Variants in ITGAL observed in about 807,000 individuals in gnomAD.
ITGAL encodes integrin alpha-L.
A neutral mutation model predicts 138.4 loss-of-function variants in ITGAL; 68 were observed. The ratio of observed to expected loss-of-function variants is 0.49; its 90% CI spans 0.40 to 0.60. ITGAL has a LOEUF of 0.60. Ranked by LOEUF, ITGAL falls within the 20% of genes least tolerant of loss-of-function variation. The pLI is 0.00. For missense variants in ITGAL, 1,256 were observed against 1,478.6 expected (o/e 0.85, Z 2.47); for synonymous variants, 561 against 584.3 (o/e 0.96, Z 0.57).
chr16:30,517,576 G>A, intron 26 of ITGAL, 73 bp from the exon 27 acceptor site: 7 of 1,299,212 alleles, frequency 5.4e-6, no homozygotes, highest in South Asian at 4.8e-5. Context: ...GGCCAGGGCA[G>A]GGGAAAGCTG....
intron 9 of ITGAL, among the ~76,000 whole-genome samples, chr16:30,485,193 C>T (rs529289109): frequency 8.3e-6 from 1 of 120,470 alleles, no homozygotes; most frequent in African/African-American, 3.1e-5. Flanking sequence ...CTCCCCCCTT[C>T]CTCTCCCCTC....
intron 17 of ITGAL, among the ~76,000 whole-genome samples, chr16:30,500,744 C>A (rs1221844117): frequency 2.6e-5 from 4 of 152,066 alleles, no homozygotes; most frequent in Non-Finnish European, 1.5e-5. Context: ...GTAGGCCAAG[C>A]GCGGTGGCTC....
chr16:30,506,917 T>C, intron 21 of ITGAL, 61 bp downstream of exon 21: 2 of 1,592,428 alleles, frequency 1.3e-6, no homozygotes, highest in Non-Finnish European at 1.7e-6. Flanking sequence ...CCCCCTTCTT[T>C]GAGCCCCAGG....
intron 4 of ITGAL, 99 bp from the exon 5 acceptor site, chr16:30,478,992 A>G (rs1432555343): frequency 2.3e-6 from 2 of 860,122 alleles, no homozygotes; most frequent in East Asian, 4.8e-5. Context: ...GAAGTGAGAA[A>G]GAGGACAAGG....
chr16:30,478,697 C>CAAAAAAAAAAAAAAA (rs59193580), intron 4 of ITGAL, among the ~76,000 whole-genome samples: 1 of 106,644 alleles, frequency 9.4e-6, no homozygotes, highest in Non-Finnish European at 1.8e-5. Flanking sequence ...GACTCCATCT[C>CAAAAAAAAAAAAAAA]AAAAAAAAAA....
At chr16:30,497,123 T>C (rs2050812320) in intron 15 of ITGAL, among the ~76,000 whole-genome samples, 1 of 151,950 alleles carries the variant, frequency 6.6e-6, no homozygotes, top group Non-Finnish European at 1.5e-5. Context: ...GGCGGGCGGA[T>C]CACGAGGTCA....
chr16:30,485,105 TCTTC>T, intron 9 of ITGAL, among the ~76,000 whole-genome samples: 1 of 151,920 alleles, frequency 6.6e-6, no homozygotes, highest in South Asian at 2.1e-4. Context: ...TCTTTCTTTC[TCTTC>T]CTTCTTTCTC....
chr16:30,490,669 T>G (rs1391384748), intron 11 of ITGAL, among the ~76,000 whole-genome samples: 1 of 152,132 alleles, frequency 6.6e-6, no homozygotes, highest in Non-Finnish European at 1.5e-5. Context: ...CCCAGGCACA[T>G]TTTAAAACAA....
Position 30,479,315 on chromosome 16 carries a change from C to G in ITGAL, c.446-16C>G. On this transcript the variant is annotated splice_polypyrimidine_tract_variant and intron_variant, in intron 5 of 30. Transcript: ENST00000356798. ...CAGAGATGCTTCACTGGGTCCCTTG[C>G]GTCTGGCTTCTGCAGAATGTATCAA... The G allele has an allele frequency of 6.2e-7, 1 of 1,613,752 alleles. No individual in the cohort carries two copies. The highest frequency in any genetic ancestry group is 8.5e-7 in the Non-Finnish European group (1 of 1,179,882).
In ITGAL at chr16:30,494,784, G is replaced by C; in HGVS notation, c.1437G>C (p.Leu479=). ...VDQDGETELL[L]IGAPLFYGEQ... ...AAGATGGGGAGACAGAGCTGCTGCT[G>C]ATTGGTGCCCCACTGTTCTATGGGG... Residue 479 remains leucine (L), a synonymous_variant, in exon 13 of 31, where the codon CTG becomes CTC. Transcript: ENST00000356798. This position sits in a 1 kb window ranked among gnomAD's most constrained non-coding sequence, Gnocchi z 4.2. 6.2e-7 allele frequency: 1 copy of C among 1,613,570 alleles called. No homozygotes were observed. Among genetic ancestry groups the C allele is most frequent in the South Asian group, 1.1e-5 (1 of 91,046 alleles).
Position 30,475,386 on chromosome 16 carries a change from C to T in ITGAL, c.245C>T (p.Pro82Leu). Residue 82 changes from proline to leucine, a missense_variant, in exon 3 of 31, where the codon CCA (proline) becomes CTA (leucine). Pro to Leu is a moderately conservative substitution (Grantham distance 98, BLOSUM62 -3). Transcript: ENST00000356798. ...CAGTCGGGCACAGGACACTGCCTGC[C>T]AGTCACCCTGAGAGGTGAGTAACTG... ...QCQSGTGHCL[P>L]VTLRGSNYTS... 3 of 1,613,556 alleles carry T rather than the reference C, an allele frequency of 1.9e-6. No individual in the cohort carries two copies. Among genetic ancestry groups the T allele is most frequent in the Non-Finnish European group, 2.5e-6 (3 of 1,179,544 alleles).
intron 14 of ITGAL, 48 bp downstream of exon 14, chr16:30,496,342 G>GC: frequency 6.2e-7 from 1 of 1,605,424 alleles, no homozygotes; most frequent in Non-Finnish European, 8.5e-7. Flanking sequence ...GGTGCCCTAA[G>GC]CCCCCAAGCC....
intron 4 of ITGAL, chr16:30,477,175 A>G (rs1375035872): frequency 2.6e-5 from 4 of 152,202 alleles, no homozygotes; most frequent in Admixed American, 2.6e-4. Flanking sequence ...ATATTCATCC[A>G]GTATTTAAGT....
At chr16:30,512,998 G>T (rs2151203652) in intron 24 of ITGAL, among the ~76,000 whole-genome samples, 1 of 152,378 alleles carries the variant, frequency 6.6e-6, no homozygotes, top group East Asian at 1.9e-4. Context: ...ACCGCGCCTG[G>T]CCTCCAGTGC....
intron 9 of ITGAL, among the ~76,000 whole-genome samples, chr16:30,486,493 A>G (rs1388082275): frequency 1.3e-5 from 2 of 152,080 alleles, no homozygotes; most frequent in African/African-American, 4.8e-5. Flanking sequence ...AAAAATGAAA[A>G]GTGATTTTTT....
At chr16:30,491,100 G>T (rs541715447) in intron 11 of ITGAL, among the ~76,000 whole-genome samples, 1 of 150,536 alleles carries the variant, frequency 6.6e-6, no homozygotes. Context: ...AAGAAGAAAT[G>T]ACTCTAAAAT....
Position 30,513,842 on chromosome 16 carries a change from AC to A in ITGAL, c.2860del (p.Gln954ArgfsTer2). 1 of 1,607,282 alleles carries A rather than the reference AC, an allele frequency of 6.2e-7. No individual in the cohort carries two copies. The highest frequency in any genetic ancestry group is 8.5e-7 in the Non-Finnish European group (1 of 1,173,778). ...AAGATCCACCAAGTCAAGCACATGT[AC>A]CAGGTATGAATCCCAATGTGGAAGG... ...GPKIHQVKHM[Y>X]QVRIQPSIHD... On this transcript the variant is annotated frameshift_variant, in exon 25 of 31. Transcript: ENST00000356798. LOFTEE classifies it high-confidence loss of function.
At position 30,503,925 on chromosome 16, in the gene ITGAL, A is replaced by G. The variant is rs528543325; in HGVS notation, c.2146-250A>G. On this transcript the variant is annotated intron_variant, in intron 17 of 30. Transcript: ENST00000356798. ...GGCTTCAGTTAGGACACAGTGGGGG[A>G]AAAGTGCTGGGATTGATTAGTGATG... The G allele has an allele frequency of 6.9e-5, 23 of 335,140 alleles. No homozygotes were observed. The Admixed American group carries it at 7.7e-4, about 11-fold the overall frequency. 20.8% of individuals were successfully genotyped at this position (335,140 alleles called of 1,614,324 possible).
intron 15 of ITGAL, 146 bp downstream of exon 15, chr16:30,496,712 A>C: frequency 4.4e-6 from 3 of 681,932 alleles, no homozygotes; most frequent in Non-Finnish European, 6.5e-6. Flanking sequence ...CATGATCATA[A>C]CTCACTGCAG....
Sources: gnomAD v4.1 joint callset for allele counts (sites outside exome capture counted in the v4.1 genomes callset) on GRCh38, gnomAD v4.1.1 for gene constraint, Gnocchi (gnomAD v3.1) non-coding constraint, MANE v1.5 for transcripts, NCBI Gene and HGNC (gene_info 2026-07-23, HGNC 2026-07-21) for gene names.